ZNF335: variants seen among roughly 807,000 people sequenced by gnomAD.
ZNF335 encodes the protein zinc finger protein 335, also known as NRC-interacting factor 1.
Under a neutral mutation model 145.6 loss-of-function variants are expected in ZNF335, and 84 were observed. That is an observed-to-expected ratio of 0.58 (90% confidence interval 0.48 to 0.69). The LOEUF (loss-of-function observed/expected upper bound fraction) is 0.69. ZNF335 is among the 30% of genes least tolerant of loss of function. ZNF335 has a pLI of 0.00. For missense variants in ZNF335, 1,865 were observed against 1,809.7 expected, an observed-to-expected ratio of 1.03 and a Z score of -0.55; for synonymous variants, 761 against 717.0, an observed-to-expected ratio of 1.06 and a Z score of -0.98.
chr20:45,968,425 C>T (rs2084001444), intron 3 of ZNF335, 63 bp from the exon 4 acceptor site: 2 of 1,484,014 alleles, frequency 1.3e-6, no homozygotes, highest in African/African-American at 1.4e-5. Flanking sequence ...AGGCCCACCC[C>T]CATGGGCCCC....
At chr20:45,970,760 T>G (rs1206458417) in intron 2 of ZNF335, among the ~76,000 whole-genome samples, 1 of 151,132 alleles carries the variant, frequency 6.6e-6, no homozygotes, top group Admixed American at 6.6e-5. Flanking sequence ...CTTGCGTTTT[T>G]TTTTTTTTTT....
At chr20:45,958,257 G>A (rs1316127803) in intron 15 of ZNF335, among the ~76,000 whole-genome samples, 1 of 152,148 alleles carries the variant, frequency 6.6e-6, no homozygotes, top group East Asian at 1.9e-4. Flanking sequence ...CATGTTGGTC[G>A]GCTGGTTTCA....
Position 45,959,234 on chromosome 20 carries a change from A to G in ZNF335, c.2220T>C (p.Pro740=), listed in dbSNP as rs1355880515. 2 of 1,401,364 alleles carry G rather than the reference A, an allele frequency of 1.4e-6. No homozygotes were observed. The highest frequency in any genetic ancestry group is 5.5e-5 in the East Asian group (2 of 36,660). The allele number at this position is 1,401,364 out of a possible 1,614,324, so 86.8% of individuals were successfully genotyped here. Residue 740 remains proline (P), a synonymous_variant, in exon 15 of 28, where the codon CCT becomes CCC. Coordinates refer to ENST00000322927, the MANE Select transcript of ZNF335 (RefSeq NM_022095.4). Reference sequence around the variant, plus strand: ...GTCCTGGGGAACTGGGAGGTGGTCCAGGGGCCGCACTGTGCTGCTGCTTCA... The same window carrying G: ...GTCCTGGGGAACTGGGAGGTGGTCCGGGGGCCGCACTGTGCTGCTGCTTCA... The part of the protein sequence containing the change: ...EELKQQHSAA[P]GPPPSSPGPP...
chr20:45,957,534 G>T, intron 17 of ZNF335, 52 bp downstream of exon 17: 13 of 1,560,168 alleles, frequency 8.3e-6, no homozygotes, highest in Non-Finnish European at 1.1e-5. Flanking sequence ...TCCAGTGCAG[G>T]GCTGGGTACC....
rs116243696 is a variant in ZNF335, at chr20:45,958,946, C to T, written c.2253+255G>A. On this transcript the variant is annotated intron_variant, in intron 15 of 27. Coordinates refer to ENST00000322927, the MANE Select transcript of ZNF335 (RefSeq NM_022095.4). Reference sequence around the variant, plus strand: ...AATCACCGCACCAGCCCTAGACTGCCGACCTGTGGAATTCTTGTATAAGAG... The same window carrying T: ...AATCACCGCACCAGCCCTAGACTGCTGACCTGTGGAATTCTTGTATAAGAG... Among the ~76,000 whole-genome samples the T allele has an allele frequency of 3.8e-3, 574 of 152,258 alleles. 2 individuals carry two copies. The highest frequency in any genetic ancestry group is 0.013 in the African/African-American group (544 of 41,540).
rs767253277 is a variant in ZNF335 at position 45,949,112 on chromosome 20, G to A, written c.3902-32C>T. Reference sequence around the variant, plus strand: ...GGGGAGGGGAAAGTATGGTGAGCTGGAGGCTCAAGAGCTGGGTCCATACCC... The same window carrying A: ...GGGGAGGGGAAAGTATGGTGAGCTGAAGGCTCAAGAGCTGGGTCCATACCC... On this transcript the variant is annotated intron_variant, in intron 27 of 27. Transcript: ENST00000322927. 1.9e-6 allele frequency: 3 copies of A among 1,613,388 alleles called. No homozygotes were observed. The Admixed American group carries it at 5.0e-5, about 27-fold the overall frequency.
Position 45,948,913 on chromosome 20 carries a change from G to T in ZNF335, c.*40C>A, listed in dbSNP as rs2083573819. On this transcript the variant is annotated 3_prime_UTR_variant, in exon 28 of 28. Coordinates refer to ENST00000322927, the MANE Select transcript of ZNF335 (RefSeq NM_022095.4). Reference sequence around the variant, plus strand: ...CTGGTGGCCCCCTACCCCCAGGAGAGCTGGCCGCAAATCCATGATCTGTGT... The same window carrying T: ...CTGGTGGCCCCCTACCCCCAGGAGATCTGGCCGCAAATCCATGATCTGTGT... The T allele has an allele frequency of 2.5e-6, 4 of 1,613,226 alleles. No individual in the cohort carries two copies. The highest frequency in any genetic ancestry group is 3.4e-6 in the Non-Finnish European group (4 of 1,179,948).
rs3746503 is a variant in ZNF335, at chr20:45,950,322, A to G, written c.3384T>C (p.Pro1128=). Residue 1128 remains proline, a synonymous_variant, in exon 22 of 28, where the codon CCT becomes CCC. Transcript: ENST00000322927. ...LKFHIQRLHS[P]DGRKSGTPTA... ...TAGGGGTTCCTGACTTCCTCCCATC[A>G]GGACTGTGCAGCCGCTGGATGTGGA... 184,737 of 1,577,328 alleles carry G rather than the reference A, an allele frequency of 0.12. 12,528 individuals are homozygous for G. Among genetic ancestry groups the G allele is most frequent in the East Asian group, 0.33 (14,651 of 44,508 alleles).
At chr20:45,971,138 T>A in intron 2 of ZNF335, 72 bp downstream of exon 2, 1 of 1,446,380 alleles carries the variant, frequency 6.9e-7, no homozygotes, top group Non-Finnish European at 9.1e-7. Flanking sequence ...ACAAGCCTTG[T>A]TTCCTCTTGG....
At chr20:45,970,628 G>T (rs1301230502) in intron 2 of ZNF335, among the ~76,000 whole-genome samples, 1 of 152,162 alleles carries the variant, frequency 6.6e-6, no homozygotes. Flanking sequence ...AGGATGTCTG[G>T]TGGGAGCTCA....
At position 45,950,469 on chromosome 20, in the gene ZNF335, G is replaced by A; in HGVS notation, c.3316C>T (p.His1106Tyr). The A allele has an allele frequency of 6.2e-7, 1 of 1,614,238 alleles. No homozygotes were observed. The highest frequency in any genetic ancestry group is 8.5e-7 in the Non-Finnish European group (1 of 1,180,050). The change falls in exon 21 of 28, where the codon CAC (histidine) becomes TAC (tyrosine). Residue 1106 changes from histidine (H) to tyrosine (Y), a missense_variant. His to Tyr is a moderately conservative substitution (Grantham distance 83, BLOSUM62 2). Transcript: ENST00000322927. ...THTKEKPFAC[H>Y]LCGQRFNRNG... is the part of the protein sequence containing the mutation. Reference sequence around the variant, plus strand: ...TGGCCTCACCGCTGCCCGCAGAGGTGGCATGCAAAAGGCTTCTCCTTTGTG... The same window carrying A: ...TGGCCTCACCGCTGCCCGCAGAGGTAGCATGCAAAAGGCTTCTCCTTTGTG...
At chr20:45,965,825 T>C in intron 6 of ZNF335, 51 bp from the exon 7 acceptor site, 1 of 1,563,084 alleles carries the variant, frequency 6.4e-7, no homozygotes, top group Middle Eastern at 1.7e-4. Context: ...ACCTGCCCTT[T>C]CAGCCCTGAC....
At chr20:45,954,747 C>T (rs1335732369) in intron 17 of ZNF335, among the ~76,000 whole-genome samples, 1 of 149,956 alleles carries the variant, frequency 6.7e-6, no homozygotes, top group African/African-American at 2.4e-5. Flanking sequence ...AGGAGTTCAA[C>T]CTCATTTACG....
At chr20:45,951,221 G>C (rs552816445) in intron 20 of ZNF335, among the ~76,000 whole-genome samples, 1 of 152,358 alleles carries the variant, frequency 6.6e-6, no homozygotes, top group East Asian at 1.9e-4. Flanking sequence ...GCTGAGGCCT[G>C]ATAGGGCGTT....
At chr20:45,959,540 G>T in intron 14 of ZNF335, 107 bp from the exon 15 acceptor site, 2 of 829,978 alleles carry the variant, frequency 2.4e-6, no homozygotes. Context: ...GACTTCCAGC[G>T]ATTCATTCCC....
intron 6 of ZNF335, among the ~76,000 whole-genome samples, chr20:45,966,236 A>T (rs2083950190): frequency 6.6e-6 from 1 of 151,924 alleles, no homozygotes; most frequent in South Asian, 2.1e-4. Flanking sequence ...ACTCACCAAT[A>T]ATTTTTTTTT....
intron 1 of ZNF335, chr20:45,971,768 C>T (rs1452481897): frequency 9.1e-6 from 9 of 985,328 alleles, no homozygotes; most frequent in African/African-American, 1.7e-5. Context: ...TGGTTCAGCC[C>T]TTCGGCCCCC....
chr20:45,963,348 T>C, intron 9 of ZNF335, 125 bp downstream of exon 9: 1 of 1,136,274 alleles, frequency 8.8e-7, no homozygotes, highest in Non-Finnish European at 1.2e-6. Context: ...ACACGCGTTC[T>C]GAAGAGCAGC....
rs775725377 is a variant in ZNF335 at position 45,953,832 on chromosome 20, G to A, written c.2559C>T (p.Gly853=). The A allele has an allele frequency of 1.1e-5, 17 of 1,613,844 alleles. No individual in the cohort carries two copies. Among genetic ancestry groups the A allele is most frequent in the African/African-American group, 5.3e-5 (4 of 74,926 alleles). Residue 853 remains glycine (G), a synonymous_variant, in exon 18 of 28, where the codon GGC becomes GGT. Coordinates refer to ENST00000322927, the MANE Select transcript of ZNF335 (RefSeq NM_022095.4). ...CTAGCTGGCTCTCGGCTGCTGCACCGCCCCCTGGCTCTGCCACGTGGAGGG... is the reference window on the plus strand; with the variant it reads ...CTAGCTGGCTCTCGGCTGCTGCACCACCCCCTGGCTCTGCCACGTGGAGGG... ...VVTLHVAEPG[G]GAAAESQLGP... is the part of the protein sequence containing the mutation.
Sources: gnomAD v4.1 joint callset for allele counts (sites outside exome capture counted in the v4.1 genomes callset) on GRCh38, gnomAD v4.1.1 for gene constraint, MANE v1.5 for transcripts, NCBI Gene and HGNC (gene_info 2026-07-23, HGNC 2026-07-21) for gene names.